KCNJ3: variants seen among roughly 807,000 people sequenced by gnomAD.
The protein encoded by KCNJ3 is potassium inwardly rectifying channel subfamily J member 3, also known as G protein-activated inward rectifier potassium channel 1.
A neutral mutation model predicts 39.2 loss-of-function variants in KCNJ3; 4 were observed. The observed-to-expected ratio is 0.10, with a 90% CI of 0.05 to 0.23. The LOEUF is 0.23. KCNJ3 is among the 10% of genes least tolerant of loss of function. The pLI is 1.00. For synonymous variants in KCNJ3, 230 were observed against 237.4 expected, an observed-to-expected ratio of 0.97 and a Z score of 0.29; for missense variants, 276 against 634.9, an observed-to-expected ratio of 0.43 and a Z score of 6.08.
At chr2:154,725,314 C>A (rs571670630) in intron 2 of KCNJ3, among the ~76,000 whole-genome samples, 1 of 151,310 alleles carries the variant, frequency 6.6e-6, no homozygotes, top group East Asian at 1.9e-4. Context: ...CCATTCTTCA[C>A]CAACTACCCA....
At chr2:154,735,412 C>G (rs1685514306) in intron 2 of KCNJ3, among the ~76,000 whole-genome samples, 1 of 152,122 alleles carries the variant, frequency 6.6e-6, no homozygotes, top group Non-Finnish European at 1.5e-5. Flanking sequence ...CGGAGCCCGG[C>G]CATAGGCCTG....
Position 154,731,326 on chromosome 2 carries a change from C to T in KCNJ3, c.919+21507C>T, listed in dbSNP as rs1014322844. Among the ~76,000 whole-genome samples, 10 of 152,006 alleles carry T rather than the reference C, an allele frequency of 6.6e-5. No homozygotes were observed. The East Asian group carries it at 9.7e-4, about 15-fold the overall frequency. ...TGTATTCTTTTGGATTAGCAAAATC[C>T]CAAACAATTTTGAAAACTCAAATTT... On this transcript the variant is annotated intron_variant, in intron 2 of 2. Coordinates refer to ENST00000295101, the MANE Select transcript of KCNJ3 (RefSeq NM_002239.4).
chr2:154,769,172 C>T (rs934373711), intron 2 of KCNJ3, among the ~76,000 whole-genome samples: 1 of 152,110 alleles, frequency 6.6e-6, no homozygotes, highest in Non-Finnish European at 1.5e-5. Context: ...ATTGAATACC[C>T]TTTATTTCTT....
chr2:154,779,453 TTA>T (rs201234004), intron 2 of KCNJ3, among the ~76,000 whole-genome samples: 2 of 143,402 alleles, frequency 1.4e-5, no homozygotes, highest in African/African-American at 2.6e-5. Context: ...TATATATATT[TTA>T]TATATATATG....
At chr2:154,841,806 T>G (rs1687581672) in intron 2 of KCNJ3, among the ~76,000 whole-genome samples, 1 of 152,154 alleles carries the variant, frequency 6.6e-6, no homozygotes, top group South Asian at 2.1e-4. Flanking sequence ...TTTTATTGCA[T>G]CTATTTGATT....
intron 2 of KCNJ3, among the ~76,000 whole-genome samples, chr2:154,744,371 T>G (rs897122675): frequency 1.3e-5 from 2 of 151,800 alleles, no homozygotes; most frequent in Non-Finnish European, 3.0e-5. Flanking sequence ...CTGAGTAGAC[T>G]TGTTTTTTTG....
intron 1 of KCNJ3, among the ~76,000 whole-genome samples, chr2:154,702,515 T>A (rs3111028): frequency 6.6e-6 from 1 of 151,912 alleles, no homozygotes; most frequent in Admixed American, 6.5e-5. Context: ...TGCCTAACTT[T>A]TGATGGAAGT....
rs13399540 is a variant in KCNJ3, at chr2:154,824,101, G to A, written c.920-30626G>A. On this transcript the variant is annotated intron_variant, in intron 2 of 2. Transcript: ENST00000295101. ...TGTAATCCTAGCACTTTGGAAGGCC[G>A]AGGTGGATGGATTGCTTGAGCTCAG... is the stretch of plus-strand genomic sequence containing the variant. Among the ~76,000 whole-genome samples the A allele has an allele frequency of 8.4e-3, 1,273 of 152,192 alleles. 20 individuals carry two copies. The highest frequency in any genetic ancestry group is 0.029 in the African/African-American group (1,190 of 41,516).
At chr2:154,747,589 T>C (rs1685769516) in intron 2 of KCNJ3, among the ~76,000 whole-genome samples, 1 of 151,984 alleles carries the variant, frequency 6.6e-6, no homozygotes, top group South Asian at 2.1e-4. Flanking sequence ...CTCCTTATCT[T>C]ACCCCCATCT....
At chr2:154,778,968 G>T (rs1325926017) in intron 2 of KCNJ3, among the ~76,000 whole-genome samples, 2 of 152,064 alleles carry the variant, frequency 1.3e-5, no homozygotes, top group Admixed American at 1.3e-4. Context: ...GTGAAATAGA[G>T]ATAATAATAT....
chr2:154,801,866 A>T (rs1434748962), intron 2 of KCNJ3, among the ~76,000 whole-genome samples: 1 of 152,104 alleles, frequency 6.6e-6, no homozygotes. Flanking sequence ...GGCTCAAGCG[A>T]TTCACCTGCC....
At chr2:154,801,853 C>T (rs1686824988) in intron 2 of KCNJ3, among the ~76,000 whole-genome samples, 1 of 152,156 alleles carries the variant, frequency 6.6e-6, no homozygotes, top group African/African-American at 2.4e-5. Context: ...TCTCGAACTA[C>T]TGGGCTCAAG....
intron 2 of KCNJ3, among the ~76,000 whole-genome samples, chr2:154,853,933 G>A (rs143221070): frequency 1.3e-5 from 2 of 152,126 alleles, no homozygotes; most frequent in Admixed American, 6.6e-5. Flanking sequence ...TACATCACAT[G>A]GCCCAGAACA....
intron 2 of KCNJ3, among the ~76,000 whole-genome samples, chr2:154,776,460 T>C (rs1686337694): frequency 6.6e-6 from 1 of 152,142 alleles, no homozygotes; most frequent in Admixed American, 6.6e-5. Flanking sequence ...ACATAATATA[T>C]TGGCACATAT....
Position 154,746,626 on chromosome 2 carries a change from ATATATGTATATATG to A in KCNJ3, c.919+36809_919+36822del, listed in dbSNP as rs1483578873. ...TATACACAGATATATATATATATAT[ATATATGTATATATG>A]TGTATATATATGTGTGTGTGTGTGT... On this transcript the variant is annotated intron_variant, in intron 2 of 2. Coordinates refer to ENST00000295101, the MANE Select transcript of KCNJ3 (RefSeq NM_002239.4). Among the ~76,000 whole-genome samples, 654 of 138,718 alleles carry A rather than the reference ATATATGTATATATG, an allele frequency of 4.7e-3. 7 individuals are homozygous for A. Among genetic ancestry groups the A allele is most frequent in the African/African-American group, 0.019 (629 of 33,258 alleles). 91.0% of individuals were successfully genotyped at this position (138,718 alleles called of 152,430 possible).
chr2:154,769,939 G>C (rs1207425533), intron 2 of KCNJ3, among the ~76,000 whole-genome samples: 1 of 152,086 alleles, frequency 6.6e-6, no homozygotes, highest in Non-Finnish European at 1.5e-5. Flanking sequence ...TTCCTCCTTT[G>C]ATAGTTTTAA....
At chr2:154,791,966 G>A (rs1686641573) in intron 2 of KCNJ3, among the ~76,000 whole-genome samples, 1 of 152,078 alleles carries the variant, frequency 6.6e-6, no homozygotes, top group Non-Finnish European at 1.5e-5. Flanking sequence ...GGCTTCTTTA[G>A]GAGGCAAAGT....
Position 154,709,540 on chromosome 2 carries a change from G to T in KCNJ3, c.703-63G>T, listed in dbSNP as rs116584454. ...GTTGGCAATGATGTAAATTACTGTT[G>T]GGCTGCCTTGAAATTTTCAGTACAA... On this transcript the variant is annotated intron_variant, in intron 1 of 2. Coordinates refer to ENST00000295101, the MANE Select transcript of KCNJ3 (RefSeq NM_002239.4). The T allele has an allele frequency of 9.6e-4, 1,459 of 1,524,624 alleles. 1 individual carries two copies. The highest frequency in any genetic ancestry group is 1.2e-3 in the Non-Finnish European group (1,365 of 1,119,928). 94.4% of individuals were successfully genotyped at this position (1,524,624 alleles called of 1,614,324 possible). A position where few individuals can be genotyped will look rare whatever the true frequency, so the allele number is the denominator to read the frequency against.
chr2:154,738,478 A>G (rs1293429035), intron 2 of KCNJ3, among the ~76,000 whole-genome samples: 1 of 152,132 alleles, frequency 6.6e-6, no homozygotes, highest in Non-Finnish European at 1.5e-5. Context: ...CCCATTCTCT[A>G]TGATGTGCTT....
Sources: allele counts gnomAD v4.1 joint callset (sites outside exome capture counted in the v4.1 genomes callset), GRCh38; gene constraint gnomAD v4.1.1; transcripts MANE v1.5; gene names NCBI Gene and HGNC (gene_info 2026-07-23, HGNC 2026-07-21).